The following KANK4 variants were observed in gnomAD, a reference collection of about 807,000 sequenced individuals.
KANK4 encodes the protein KN motif and ankyrin repeat domains 4, also known as KN motif and ankyrin repeat domain-containing protein 4.
In KANK4, 50 loss-of-function variants were observed where a neutral mutation model predicts 80.8. The ratio of observed to expected loss-of-function variants is 0.62; its 90% CI spans 0.49 to 0.78. The LOEUF is 0.78. Ranked by LOEUF, KANK4 falls within the 30% of genes least tolerant of loss-of-function variation. KANK4 has a pLI of 0.00. For synonymous variants in KANK4, 465 were observed against 506.9 expected, an observed-to-expected ratio of 0.92 and a Z score of 1.11; for missense variants, 1,196 against 1,240.1, an observed-to-expected ratio of 0.96 and a Z score of 0.53.
At chr1:62,293,754 G>T (rs773493993) in intron 1 of KANK4, among the ~76,000 whole-genome samples, 1 of 152,192 alleles carries the variant, frequency 6.6e-6, no homozygotes, top group South Asian at 2.1e-4. Context: ...CAGGAAGGGC[G>T]TTTTGGTATT....
At chr1:62,241,905 G>C (rs1214370587) in intron 9 of KANK4, among the ~76,000 whole-genome samples, 4 of 152,162 alleles carry the variant, frequency 2.6e-5, no homozygotes, top group Non-Finnish European at 5.9e-5. Context: ...CCTTTTAACA[G>C]GGTCCATCTG....
intron 1 of KANK4, 52 bp from the exon 2 acceptor site, chr1:62,281,686 G>T: frequency 8.7e-7 from 1 of 1,145,270 alleles, no homozygotes. Context: ...GTTTGAATAA[G>T]TATTGGGGAA....
At chr1:62,271,413 G>T in intron 4 of KANK4, 65 bp downstream of exon 4, 1 of 1,072,870 alleles carries the variant, frequency 9.3e-7, no homozygotes, top group Non-Finnish European at 1.5e-6. Context: ...GGAAAAGAGA[G>T]TGCAAAGGAC....
At chr1:62,309,171 T>G (rs552575892) in intron 1 of KANK4, among the ~76,000 whole-genome samples, 1 of 152,360 alleles carries the variant, frequency 6.6e-6, no homozygotes, top group East Asian at 1.9e-4. Flanking sequence ...GGTCCCTCTT[T>G]CAGCTTGCAG....
At chr1:62,317,183 G>T (rs1644548986) in intron 1 of KANK4, among the ~76,000 whole-genome samples, 1 of 152,134 alleles carries the variant, frequency 6.6e-6, no homozygotes, top group African/African-American at 2.4e-5. Context: ...ATGAGGAAAT[G>T]CCATGTATGC....
rs1672451166 is a variant in KANK4, at chr1:62,281,543, G to T, written c.16+6C>A. 6.2e-7 allele frequency: 1 copy of T among 1,614,074 alleles called. No individual in the cohort carries two copies. The highest frequency in any genetic ancestry group is 1.3e-5 in the African/African-American group (1 of 74,928). ...TAAACCAGGCCCTACAAAGCAGCTT[G>T]CCTACCATCTGTCTTCTCCATCTTT... On this transcript the variant is annotated splice_donor_region_variant and intron_variant, in intron 2 of 9. Coordinates refer to ENST00000371153, the MANE Select transcript of KANK4 (RefSeq NM_181712.5).
At chr1:62,293,402 T>C (rs1672726097) in intron 1 of KANK4, among the ~76,000 whole-genome samples, 1 of 152,060 alleles carries the variant, frequency 6.6e-6, no homozygotes, top group Non-Finnish European at 1.5e-5. Flanking sequence ...GCCTCAATTC[T>C]TGAAATCTAT....
In KANK4 at chr1:62,291,607, A is replaced by AT. The variant is rs796605037; in HGVS notation, c.-70-9974dup. On this transcript the variant is annotated intron_variant, in intron 1 of 9. Transcript: ENST00000371153. Reference sequence around the variant, plus strand: ...AGGTGCATACCACCAGGTACACCTAATTTTTTTTTTTGGTTATTGAGACAG... The same window carrying AT: ...AGGTGCATACCACCAGGTACACCTAATTTTTTTTTTTTGGTTATTGAGACAG... 5.9e-3 allele frequency among the ~76,000 whole-genome samples: 874 copies of AT among 148,284 alleles called. 10 individuals are homozygous for AT. Among genetic ancestry groups the AT allele is most frequent in the African/African-American group, 0.02 (813 of 40,662 alleles).
intron 6 of KANK4, among the ~76,000 whole-genome samples, chr1:62,264,172 CTT>C (rs1671963368): frequency 6.6e-6 from 1 of 152,214 alleles, no homozygotes; most frequent in African/African-American, 2.4e-5. Flanking sequence ...AATCCCAACA[CTT>C]TGGGAGGCCG....
Position 62,247,400 on chromosome 1 carries a change from A to C in KANK4, c.2883+72T>G. ...AGTGATCCTCCCGCCTCAGCCTCCCAAAGTGCTGGGGTTACAGGTATGAGC... is the reference window on the plus strand; with the variant it reads ...AGTGATCCTCCCGCCTCAGCCTCCCCAAGTGCTGGGGTTACAGGTATGAGC... On this transcript the variant is annotated intron_variant, in intron 9 of 9. Transcript: ENST00000371153. The C allele has an allele frequency of 2.1e-6, 3 of 1,402,072 alleles. No individual in the cohort carries two copies. The South Asian group carries it at 3.5e-5, about 16-fold the overall frequency. The allele number at this position is 1,402,072 out of a possible 1,614,324, so 86.9% of individuals were successfully genotyped here.
At chr1:62,280,506 G>C (rs532652458) in intron 2 of KANK4, among the ~76,000 whole-genome samples, 19 of 152,344 alleles carry the variant, frequency 1.2e-4, no homozygotes, top group African/African-American at 4.6e-4. Flanking sequence ...AGAAGAGGCA[G>C]GGCGGGAACT....
chr1:62,295,275 G>T (rs10465843), intron 1 of KANK4, among the ~76,000 whole-genome samples: 65,378 of 151,746 alleles, frequency 0.43, 15,254 homozygotes, highest in East Asian at 0.78. Context: ...AGTAGCTACA[G>T]GGACTATAGG....
chr1:62,290,061 A>C (rs981639488), intron 1 of KANK4, among the ~76,000 whole-genome samples: 1 of 152,250 alleles, frequency 6.6e-6, no homozygotes. Context: ...AGTCCGGTAC[A>C]TAGTCCTGTT....
intron 1 of KANK4, among the ~76,000 whole-genome samples, chr1:62,290,911 A>ATT (rs374030732): frequency 6.7e-6 from 1 of 149,914 alleles, no homozygotes; most frequent in Admixed American, 6.7e-5. Flanking sequence ...TGCCTGGCTA[A>ATT]TTTTTTTTTT....
rs1389359850 is a variant in KANK4, at chr1:62,236,628, C to G, written c.*1649G>C. On this transcript the variant is annotated 3_prime_UTR_variant, in exon 10 of 10. Coordinates refer to ENST00000371153, the MANE Select transcript of KANK4 (RefSeq NM_181712.5). ...TTTTTTTTTTTGAGACAGAGTTTTG[C>G]TCGTTACCCAGGCTGGAGTGCAATG... 7.9e-6 allele frequency among the ~76,000 whole-genome samples: 1 copy of G among 126,622 alleles called. No homozygotes were observed. Among genetic ancestry groups the G allele is most frequent in the African/African-American group, 3.1e-5 (1 of 31,970 alleles). 83.1% of individuals were successfully genotyped at this position (126,622 alleles called of 152,430 possible). A position where few individuals can be genotyped will look rare whatever the true frequency, so the allele number is the denominator to read the frequency against.
intron 9 of KANK4, among the ~76,000 whole-genome samples, chr1:62,245,512 TTTTGTTCCC>T (rs1304614986): frequency 6.6e-6 from 1 of 152,180 alleles, no homozygotes; most frequent in Non-Finnish European, 1.5e-5. Flanking sequence ...CTCTCCAGGT[TTTTGTTCCC>T]TTTGAATTGT....
In KANK4 at chr1:62,236,425, T is replaced by C. The variant is rs1671202487; in HGVS notation, c.*1852A>G. ...AATGTATTTTGAGGTCAAAATAAAC[T>C]CATTTAAAGCATTTTTTTTCTCATT... On this transcript the variant is annotated 3_prime_UTR_variant, in exon 10 of 10. Transcript: ENST00000371153. Among the ~76,000 whole-genome samples the C allele has an allele frequency of 6.6e-6, 1 of 152,162 alleles. No individual in the cohort carries two copies. The highest frequency in any genetic ancestry group is 2.4e-5 in the African/African-American group (1 of 41,440).
chr1:62,308,331 C>T (rs892780309), intron 1 of KANK4, among the ~76,000 whole-genome samples: 5 of 152,118 alleles, frequency 3.3e-5, no homozygotes, highest in South Asian at 2.1e-4. Context: ...TTGCCCAGGG[C>T]GGCTGCCTGG....
intron 7 of KANK4, among the ~76,000 whole-genome samples, chr1:62,257,086 T>C (rs1671769378): frequency 6.6e-6 from 1 of 152,060 alleles, no homozygotes; most frequent in African/African-American, 2.4e-5. Context: ...CAGGATTTTA[T>C]TTATTTACTT....
Sources: gnomAD v4.1 joint callset for allele counts (sites outside exome capture counted in the v4.1 genomes callset) on GRCh38, gnomAD v4.1.1 for gene constraint, MANE v1.5 for transcripts, NCBI Gene and HGNC (gene_info 2026-07-23, HGNC 2026-07-21) for gene names.